CNTNAP5: variants seen among roughly 807,000 people sequenced by gnomAD.
CNTNAP5 encodes contactin-associated protein-like 5.
Under a neutral mutation model 150.2 loss-of-function variants are expected in CNTNAP5, and 72 were observed. The ratio of observed to expected loss-of-function variants is 0.48; its 90% CI spans 0.40 to 0.58. The LOEUF is 0.58. CNTNAP5 is among the 20% of genes least tolerant of loss of function. The pLI is 0.00. For synonymous variants in CNTNAP5, 672 were observed against 619.8 expected (o/e 1.08, Z -1.25); for missense variants, 1,636 against 1,626.2 (o/e 1.01, Z -0.10).
intron 19 of CNTNAP5, among the ~76,000 whole-genome samples, chr2:124,831,719 A>T (rs1350698528): frequency 6.6e-6 from 1 of 151,320 alleles, no homozygotes; most frequent in Non-Finnish European, 1.5e-5. Flanking sequence ...ATTGAAAATG[A>T]CCCAAGTATT....
At chr2:124,723,867 C>T (rs1190267021) in intron 13 of CNTNAP5, among the ~76,000 whole-genome samples, 1 of 152,014 alleles carries the variant, frequency 6.6e-6, no homozygotes, top group Non-Finnish European at 1.5e-5. Flanking sequence ...ATCTTTAGGC[C>T]GGGTGCAGTG....
chr2:124,831,473 T>C (rs1335501448), intron 19 of CNTNAP5, among the ~76,000 whole-genome samples: 1 of 151,660 alleles, frequency 6.6e-6, no homozygotes, highest in Admixed American at 6.6e-5. Context: ...GTCCTTTTTC[T>C]CAAAATGATG....
intron 6 of CNTNAP5, among the ~76,000 whole-genome samples, chr2:124,469,481 T>C (rs1222527536): frequency 2.6e-5 from 4 of 152,136 alleles, no homozygotes; most frequent in Non-Finnish European, 5.9e-5. Context: ...AAAAGTAACA[T>C]ATATCCAAAT....
chr2:124,912,501 G>A (rs1040584477), intron 23 of CNTNAP5, among the ~76,000 whole-genome samples: 30 of 152,132 alleles, frequency 2.0e-4, no homozygotes, highest in Middle Eastern at 6.8e-3. Context: ...ATGGCTATGG[G>A]AGCACAGAGG....
At chr2:124,397,826 C>A (rs1379843692) in intron 3 of CNTNAP5, among the ~76,000 whole-genome samples, 2 of 152,096 alleles carry the variant, frequency 1.3e-5, no homozygotes, top group South Asian at 2.1e-4. Context: ...ATGCAGCCAG[C>A]GATCCAGTGA....
At chr2:124,460,761 G>A (rs550955215) in intron 6 of CNTNAP5, among the ~76,000 whole-genome samples, 118 of 152,188 alleles carry the variant, frequency 7.8e-4, no homozygotes, top group Non-Finnish European at 1.3e-3. Flanking sequence ...TTTACTTGGC[G>A]TTGCCTAATG....
chr2:124,398,146 G>A (rs1691305037), intron 3 of CNTNAP5, among the ~76,000 whole-genome samples: 2 of 152,168 alleles, frequency 1.3e-5, no homozygotes, highest in South Asian at 4.1e-4. Flanking sequence ...TTGTGCAGGT[G>A]CCAGGGATGC....
At chr2:124,153,959 G>C (rs938448449) in intron 1 of CNTNAP5, among the ~76,000 whole-genome samples, 3 of 151,760 alleles carry the variant, frequency 2.0e-5, no homozygotes, top group Non-Finnish European at 4.4e-5. Context: ...TCCTATTTCT[G>C]AGAAATCTGC....
intron 13 of CNTNAP5, among the ~76,000 whole-genome samples, chr2:124,698,682 T>C (rs1679456749): frequency 6.6e-6 from 1 of 152,066 alleles, no homozygotes; most frequent in Non-Finnish European, 1.5e-5. Context: ...GGCATTCCCA[T>C]TGTCCAGGCA....
chr2:124,089,048 T>C (rs1682760618), intron 1 of CNTNAP5, among the ~76,000 whole-genome samples: 1 of 152,150 alleles, frequency 6.6e-6, no homozygotes, highest in East Asian at 1.9e-4. Flanking sequence ...TAATTCCAGA[T>C]TCTAGCTTCG....
chr2:124,791,334 T>A (rs10211440), intron 18 of CNTNAP5, among the ~76,000 whole-genome samples: 1 of 152,172 alleles, frequency 6.6e-6, no homozygotes, highest in Non-Finnish European at 1.5e-5. Flanking sequence ...AGAAAATTAA[T>A]GGTAAAAATT....
chr2:124,256,344 C>A (rs1412236667), intron 3 of CNTNAP5, among the ~76,000 whole-genome samples: 1 of 152,024 alleles, frequency 6.6e-6, no homozygotes, highest in African/African-American at 2.4e-5. Context: ...GTATTAGTTG[C>A]TATTACATGG....
chr2:124,316,445 G>A (rs1197166312), intron 3 of CNTNAP5, among the ~76,000 whole-genome samples: 2 of 152,136 alleles, frequency 1.3e-5, no homozygotes, highest in African/African-American at 2.4e-5. Flanking sequence ...TCACACTGAA[G>A]CATGTTATGT....
intron 2 of CNTNAP5, among the ~76,000 whole-genome samples, chr2:124,233,510 T>A (rs924758593): frequency 3.9e-5 from 6 of 152,074 alleles, no homozygotes; most frequent in African/African-American, 1.4e-4. Context: ...TTCACCAGCT[T>A]CCACAATTTG....
chr2:124,721,102 C>G (rs1359378920), intron 13 of CNTNAP5, among the ~76,000 whole-genome samples: 2 of 152,154 alleles, frequency 1.3e-5, no homozygotes, highest in African/African-American at 4.8e-5. Context: ...TTGCCTCTGT[C>G]CAGCTCCCTC....
At chr2:124,419,632 C>T (rs937952715) in intron 4 of CNTNAP5, among the ~76,000 whole-genome samples, 1 of 152,136 alleles carries the variant, frequency 6.6e-6, no homozygotes, top group Non-Finnish European at 1.5e-5. Context: ...GATAAACTGC[C>T]TTCAGGTCAA....
chr2:124,773,905 AGTGCGT>A (rs774980583), intron 17 of CNTNAP5, among the ~76,000 whole-genome samples: 5 of 71,772 alleles, frequency 7.0e-5, no homozygotes, highest in African/African-American at 1.4e-4. Context: ...AACATAAGGG[AGTGCGT>A]GTGTGTGTGT....
chr2:124,707,945 T>A (rs531079974), intron 13 of CNTNAP5, among the ~76,000 whole-genome samples: 8 of 152,034 alleles, frequency 5.3e-5, no homozygotes, highest in Non-Finnish European at 8.8e-5. Flanking sequence ...ATAAAACTTT[T>A]AAAAAAAATC....
intron 21 of CNTNAP5, 39 bp downstream of exon 21, chr2:124,869,801 T>C (rs760125814): frequency 8.1e-7 from 1 of 1,237,208 alleles, no homozygotes; most frequent in African/African-American, 1.5e-5. Flanking sequence ...GTGGGCTTTA[T>C]TAAAATAAAT....
Sources: gnomAD v4.1 joint callset for allele counts (sites outside exome capture counted in the v4.1 genomes callset) on GRCh38, gnomAD v4.1.1 for gene constraint, MANE v1.5 for transcripts, NCBI Gene and HGNC (gene_info 2026-07-23, HGNC 2026-07-21) for gene names.